The following ERBB2 variants were observed in gnomAD, a reference collection of about 807,000 sequenced individuals.
ERBB2 encodes receptor tyrosine-protein kinase erbB-2.
ERBB2 carries 61 observed loss-of-function variants against 149.0 expected under a neutral mutation model. The observed-to-expected ratio is 0.41, with a 90% CI of 0.33 to 0.51. The LOEUF (loss-of-function observed/expected upper bound fraction) is 0.51, where lower values mean the gene tolerates loss of function less well. Among genes scored for constraint, ERBB2 ranks in the 20% least tolerant of loss-of-function variants. The pLI is 0.25. For missense variants in ERBB2, 1,205 were observed against 1,655.1 expected, an observed-to-expected ratio of 0.73 and a Z score of 4.72; for synonymous variants, 633 against 678.8, an observed-to-expected ratio of 0.93 and a Z score of 1.05.
In ERBB2 at chr17:39,723,402, G is replaced by C. The variant is rs1167835335; in HGVS notation, c.2030G>C (p.Arg677Pro). Residue 677 changes from arginine to proline, a missense_variant, in exon 17 of 27, where the codon CGA becomes CCA. Arg to Pro is a moderately radical substitution (Grantham distance 103, BLOSUM62 -2). Around this residue, in one of 6 missense-constraint regions of ERBB2, gnomAD observed 569 missense variants for 803.5 expected, o/e 0.71. Transcript: ENST00000269571. This position sits in a 1 kb window ranked among gnomAD's most constrained non-coding sequence, Gnocchi z 6.2. Reference protein sequence around the residue: ...LGVVFGILIKRRQQKIRKYTM... With the variant: ...LGVVFGILIKPRQQKIRKYTM... ...GTGGTCTTTGGGATCCTCATCAAGC[G>C]ACGGCAGCAGAAGATCCGGAAGTAC... 6.2e-7 allele frequency: 1 copy of C among 1,614,132 alleles called. No homozygotes were observed. Among genetic ancestry groups the C allele is most frequent in the Non-Finnish European group, 8.5e-7 (1 of 1,180,028 alleles).
intron 19 of ERBB2, among the ~76,000 whole-genome samples, 169 bp downstream of exon 19, chr17:39,724,179 C>T (rs559673410): frequency 2.0e-5 from 3 of 151,086 alleles, no homozygotes; most frequent in South Asian, 2.1e-4. Context: ...AGTGCAGTGG[C>T]GTTATCTCGG....
At chr17:39,701,112 G>C (rs374160555) in intron 1 of ERBB2, among the ~76,000 whole-genome samples, 12 of 152,180 alleles carry the variant, frequency 7.9e-5, no homozygotes, top group South Asian at 4.1e-4. Context: ...GGGCTGCGTT[G>C]TTCTGCTGCC....
chr17:39,720,236 A>C (rs539730179), intron 16 of ERBB2: 1 of 203,816 alleles, frequency 4.9e-6, no homozygotes, highest in Non-Finnish European at 1.0e-5. Flanking sequence ...TTGAGAGAGG[A>C]GCAGGTATTG....
In ERBB2 at chr17:39,723,782, C is replaced by T; in HGVS notation, c.2208+122C>T. The stretch of plus-strand genomic sequence containing the variant: ...GGCAGTGTTTGGGGGAGGGCAGTTA[C>T]AGCGGAGAAGGGAGCGGGGCCAAGC... On this transcript the variant is annotated intron_variant, in intron 18 of 26. Transcript: ENST00000269571. The surrounding 1 kb of genome is among the most constrained non-coding windows in gnomAD (Gnocchi z 6.2). The T allele has an allele frequency of 2.7e-6, 4 of 1,504,400 alleles. No individual in the cohort carries two copies. In the South Asian group the frequency reaches 4.9e-5, roughly 18 times the overall value. 93.2% of individuals were successfully genotyped at this position (1,504,400 alleles called of 1,614,324 possible).
Position 39,728,140 on chromosome 17 carries a change from C to A in ERBB2, c.*96C>A. 1.2e-6 allele frequency: 1 copy of A among 852,686 alleles called. No individual in the cohort carries two copies. The highest frequency in any genetic ancestry group is 1.7e-5 in the African/African-American group (1 of 59,204). 52.8% of individuals were successfully genotyped at this position (852,686 alleles called of 1,614,324 possible). ...ATCAAGAGGTGGGAGGGCCCTCCGA[C>A]CACTTCCAGGGGAACCTGCCATGCC... On this transcript the variant is annotated 3_prime_UTR_variant, in exon 27 of 27. Coordinates refer to ENST00000269571, the MANE Select transcript of ERBB2 (RefSeq NM_004448.4).
upstream of ERBB2, chr17:39,699,704 A>G: frequency 1.3e-6 from 1 of 747,108 alleles, no homozygotes; most frequent in Non-Finnish European, 2.3e-6. Flanking sequence ...CAAGCTCCCC[A>G]GGAAAGTTTA....
At chr17:39,714,182 C>G (rs2058983556) in intron 9 of ERBB2, among the ~76,000 whole-genome samples, 1 of 152,068 alleles carries the variant, frequency 6.6e-6, no homozygotes, top group South Asian at 2.1e-4. Flanking sequence ...TAGACACACA[C>G]ACAGTGAAGT....
At position 39,715,278 on chromosome 17, in the gene ERBB2, C is replaced by T. The variant is rs760891715; in HGVS notation, c.1149-8C>T. 4.3e-6 allele frequency: 7 copies of T among 1,613,704 alleles called. No homozygotes were observed. Among genetic ancestry groups the T allele is most frequent in the Non-Finnish European group, 5.9e-6 (7 of 1,179,746 alleles). On this transcript the variant is annotated splice_polypyrimidine_tract_variant and splice_region_variant and intron_variant, in intron 9 of 26. Transcript: ENST00000269571. ...TGGCCCTGCTGACTCCTCTCCTGACCCCTCCAGGGACCCAGCCTCCAACAC... is the reference window on the plus strand; with the variant it reads ...TGGCCCTGCTGACTCCTCTCCTGACTCCTCCAGGGACCCAGCCTCCAACAC...
chr17:39,688,170 C>A, exon 1 of ERBB2: 1 of 590,674 alleles, frequency 1.7e-6, no homozygotes, highest in East Asian at 3.4e-5. Flanking sequence ...GCCTGCCCCG[C>A]CCCTCGTCCC....
chr17:39,706,586 A>C (rs1424597686), intron 1 of ERBB2, among the ~76,000 whole-genome samples: 1 of 152,124 alleles, frequency 6.6e-6, no homozygotes, highest in Non-Finnish European at 1.5e-5. Context: ...GGAGAGGGGC[A>C]GGGGGTATCC....
Position 39,717,496 on chromosome 17 carries a change from T to C in ERBB2, c.1898+16T>C, listed in dbSNP as rs2145714241. On this transcript the variant is annotated intron_variant, in intron 15 of 26. Transcript: ENST00000269571. ...GCACCCACTCGTGAGTCCAACGGTCTTTTCTGCAGAAAGGAGGACTTTCCT... is the reference window on the plus strand; with the variant it reads ...GCACCCACTCGTGAGTCCAACGGTCCTTTCTGCAGAAAGGAGGACTTTCCT... 2 of 1,590,614 alleles carry C rather than the reference T, an allele frequency of 1.3e-6. No homozygotes were observed.
intron 1 of ERBB2, among the ~76,000 whole-genome samples, chr17:39,701,960 C>T (rs886694438): frequency 6.6e-5 from 10 of 152,150 alleles, no homozygotes; most frequent in African/African-American, 2.4e-4. Context: ...CCTTCCTCAC[C>T]TTGGGCTGGG....
intron 9 of ERBB2, among the ~76,000 whole-genome samples, chr17:39,713,577 C>T (rs1328495919): frequency 1.3e-5 from 2 of 150,782 alleles, no homozygotes; most frequent in Non-Finnish European, 3.0e-5. Flanking sequence ...ATGGTGAAAC[C>T]CCATCTCTAC....
At chr17:39,693,925 C>A (rs1474283853), upstream of ERBB2, among the ~76,000 whole-genome samples, 5 of 150,030 alleles carry the variant, frequency 3.3e-5, no homozygotes, top group African/African-American at 1.2e-4. Context: ...GTGGCTCATG[C>A]CCATAATCCC....
In ERBB2 at chr17:39,723,071, C is replaced by T. The variant is rs1184974681; in HGVS notation, c.1947-248C>T. On this transcript the variant is annotated intron_variant, in intron 16 of 26. Transcript: ENST00000269571. This position sits in a 1 kb window ranked among gnomAD's most constrained non-coding sequence, Gnocchi z 6.2. ...AATTGTTGAAGCCCTAAGCCAGAGC[C>T]AAGGGCAAGAGTATAGAGAATCTGG... Among the ~76,000 whole-genome samples the T allele has an allele frequency of 6.6e-6, 1 of 152,094 alleles. No individual in the cohort carries two copies. The highest frequency in any genetic ancestry group is 1.9e-4 in the East Asian group (1 of 5,190).
Position 39,727,044 on chromosome 17 carries a change from TC to T in ERBB2, c.3159+46del. ...CACACTGTGTGGCTGTCTGCTTACC[TC>T]CCCCAACCCCGGTGGACTAGGGTCC... is the stretch of plus-strand genomic sequence containing the variant. On this transcript the variant is annotated intron_variant, in intron 25 of 26. Transcript: ENST00000269571. This position sits in a 1 kb window ranked among gnomAD's most constrained non-coding sequence, Gnocchi z 4.3. 1.3e-6 allele frequency: 2 copies of T among 1,510,242 alleles called. No homozygotes were observed. The highest frequency in any genetic ancestry group is 8.9e-7 in the Non-Finnish European group (1 of 1,122,782). The allele number at this position is 1,510,242 out of a possible 1,614,324, so 93.6% of individuals were successfully genotyped here.
At chr17:39,712,551 G>A (rs2145585097) in intron 9 of ERBB2, 103 bp downstream of exon 9, 1 of 1,403,976 alleles carries the variant, frequency 7.1e-7, no homozygotes, top group South Asian at 1.3e-5. Flanking sequence ...CAGAAGTGGG[G>A]GGATCAAGAA....
Position 39,727,342 on chromosome 17 carries a change from G to A in ERBB2, c.3207G>A (p.Glu1069=), listed in dbSNP as rs1029099711. The A allele has an allele frequency of 6.2e-7, 1 of 1,612,230 alleles. No homozygotes were observed. The highest frequency in any genetic ancestry group is 2.2e-5 in the East Asian group (1 of 44,868). The change falls in exon 26 of 27, where the codon GAG becomes GAA. Residue 1069 remains glutamate, a synonymous_variant. Transcript: ENST00000269571. This position sits in a 1 kb window ranked among gnomAD's most constrained non-coding sequence, Gnocchi z 4.3. ...TAGGGCTGGAGCCCTCTGAAGAGGA[G>A]GCCCCCAGGTCTCCACTGGCACCCT... ...LTLGLEPSEE[E]APRSPLAPSE...
At chr17:39,712,751 G>A (rs4252629) in intron 9 of ERBB2, among the ~76,000 whole-genome samples, 1 of 152,238 alleles carries the variant, frequency 6.6e-6, no homozygotes, top group African/African-American at 2.4e-5. Context: ...TAACTCAAAT[G>A]TGCATCACTA....
Sources: gnomAD v4.1 joint callset for allele counts (sites outside exome capture counted in the v4.1 genomes callset) on GRCh38, gnomAD v4.1.1 for gene constraint, gnomAD v4.1.1 regional missense constraint, Gnocchi (gnomAD v3.1) non-coding constraint, MANE v1.5 for transcripts, NCBI Gene and HGNC (gene_info 2026-07-23, HGNC 2026-07-21) for gene names.